Variants in NELL1 observed in about 807,000 individuals in gnomAD.
The protein encoded by NELL1 is protein kinase C-binding protein NELL1.
NELL1 carries 76 observed loss-of-function variants against 107.4 expected under a neutral mutation model. The ratio of observed to expected loss-of-function variants is 0.71; its 90% CI spans 0.59 to 0.86. The LOEUF is 0.86. Among genes scored for constraint, NELL1 ranks in the 40% least tolerant of loss-of-function variants. The pLI is 0.00. For missense variants in NELL1, 1,024 were observed against 1,005.5 expected, an observed-to-expected ratio of 1.02 and a Z score of -0.25; for synonymous variants, 353 against 341.2, an observed-to-expected ratio of 1.03 and a Z score of -0.38.
At chr11:20,937,088 T>G (rs1409474633) in intron 9 of NELL1, among the ~76,000 whole-genome samples, 1 of 152,224 alleles carries the variant, frequency 6.6e-6, no homozygotes. Flanking sequence ...CTGTACTTGC[T>G]TAAAAGTGAG....
At chr11:21,542,640 C>T (rs1159255259) in intron 16 of NELL1, among the ~76,000 whole-genome samples, 1 of 151,342 alleles carries the variant, frequency 6.6e-6, no homozygotes, top group Non-Finnish European at 1.5e-5. Context: ...GATGTCATTA[C>T]CTTCTTTGCA....
chr11:21,416,871 T>C (rs1249375865), intron 15 of NELL1, among the ~76,000 whole-genome samples: 1 of 152,128 alleles, frequency 6.6e-6, no homozygotes, highest in African/African-American at 2.4e-5. Flanking sequence ...GGAAAACAAT[T>C]GGGTAAATTG....
intron 12 of NELL1, among the ~76,000 whole-genome samples, chr11:20,974,186 G>A (rs1300891732): frequency 6.6e-6 from 1 of 152,154 alleles, no homozygotes; most frequent in Non-Finnish European, 1.5e-5. Flanking sequence ...GTAAGTATTC[G>A]TTGAATAAAT....
At chr11:21,363,386 C>G (rs900839745) in intron 14 of NELL1, among the ~76,000 whole-genome samples, 3 of 152,144 alleles carry the variant, frequency 2.0e-5, no homozygotes, top group Non-Finnish European at 4.4e-5. Context: ...TTCAGATTGC[C>G]AAGTGGAGAT....
intron 2 of NELL1, among the ~76,000 whole-genome samples, chr11:20,726,834 A>G (rs1194693476): frequency 6.7e-6 from 1 of 149,534 alleles, no homozygotes; most frequent in Non-Finnish European, 1.5e-5. Context: ...CCTATGAGTG[A>G]GAACATGCAG....
chr11:20,930,421 T>C (rs1027522943), intron 9 of NELL1, among the ~76,000 whole-genome samples: 2 of 152,358 alleles, frequency 1.3e-5, no homozygotes, highest in Non-Finnish European at 2.9e-5. Context: ...GTCATTTTCA[T>C]GAGCTTCATT....
At chr11:20,795,214 G>T (rs1285675066) in intron 3 of NELL1, among the ~76,000 whole-genome samples, 1 of 152,182 alleles carries the variant, frequency 6.6e-6, no homozygotes, top group African/African-American at 2.4e-5. Context: ...GCAGTATCTG[G>T]AAACTCCCTA....
At chr11:20,981,682 T>G (rs1265249144) in intron 12 of NELL1, among the ~76,000 whole-genome samples, 3 of 152,196 alleles carry the variant, frequency 2.0e-5, no homozygotes, top group Non-Finnish European at 4.4e-5. Context: ...TTTGTCACCT[T>G]CTGATTTCTC....
chr11:20,703,303 A>G (rs1854847625), intron 2 of NELL1, among the ~76,000 whole-genome samples: 1 of 152,136 alleles, frequency 6.6e-6, no homozygotes, highest in African/African-American at 2.4e-5. Flanking sequence ...TGTTTATAGT[A>G]TTCTCTGATG....
chr11:21,152,286 C>G (rs146600733), intron 13 of NELL1, among the ~76,000 whole-genome samples: 1 of 152,164 alleles, frequency 6.6e-6, no homozygotes, highest in African/African-American at 2.4e-5. Context: ...GATCCCAATT[C>G]TCTCCTCGCC....
At chr11:20,802,072 T>C (rs1390403403) in intron 3 of NELL1, among the ~76,000 whole-genome samples, 3 of 152,220 alleles carry the variant, frequency 2.0e-5, no homozygotes, top group African/African-American at 7.2e-5. Flanking sequence ...GGGTCTTTTG[T>C]AATTCCATAT....
chr11:21,257,874 A>C (rs1858809395), intron 14 of NELL1, among the ~76,000 whole-genome samples: 1 of 151,908 alleles, frequency 6.6e-6, no homozygotes, highest in Admixed American at 6.6e-5. Flanking sequence ...AGAGCATCCT[A>C]CCCTAAGTGA....
chr11:21,409,359 C>T (rs187428078), intron 15 of NELL1, among the ~76,000 whole-genome samples: 21 of 152,060 alleles, frequency 1.4e-4, no homozygotes, highest in Admixed American at 1.3e-3. Context: ...CATGTTCTCA[C>T]TCATAGGTGG....
intron 9 of NELL1, among the ~76,000 whole-genome samples, chr11:20,933,132 A>G (rs537014914): frequency 2.0e-4 from 30 of 152,336 alleles, no homozygotes; most frequent in African/African-American, 6.7e-4. Context: ...TAGAAAGGCT[A>G]CTGCATCAAG....
At chr11:21,354,778 A>G (rs1850892753) in intron 14 of NELL1, among the ~76,000 whole-genome samples, 1 of 152,220 alleles carries the variant, frequency 6.6e-6, no homozygotes, top group African/African-American at 2.4e-5. Context: ...TTCAAGATTT[A>G]ACATGTAATT....
intron 15 of NELL1, among the ~76,000 whole-genome samples, chr11:21,435,359 C>A (rs1193576193): frequency 6.6e-6 from 1 of 151,264 alleles, no homozygotes; most frequent in Non-Finnish European, 1.5e-5. Flanking sequence ...GTGCACATTC[C>A]TTCAGTAGCA....
chr11:21,397,349 T>G (rs1215217466), intron 15 of NELL1, among the ~76,000 whole-genome samples: 1 of 151,556 alleles, frequency 6.6e-6, no homozygotes, highest in East Asian at 2.0e-4. Flanking sequence ...TTTTGTCATT[T>G]AAAAAATTAA....
At chr11:20,869,494 T>A (rs1229309493) in intron 4 of NELL1, among the ~76,000 whole-genome samples, 1 of 152,186 alleles carries the variant, frequency 6.6e-6, no homozygotes, top group African/African-American at 2.4e-5. Context: ...GTTCATCCAT[T>A]TGATCAACAT....
At chr11:20,893,215 A>G (rs1849654511) in intron 5 of NELL1, among the ~76,000 whole-genome samples, 1 of 151,964 alleles carries the variant, frequency 6.6e-6, no homozygotes, top group Non-Finnish European at 1.5e-5. Flanking sequence ...CATTAAGAAC[A>G]CATGGATACA....
Sources: gnomAD v4.1 joint callset for allele counts (sites outside exome capture counted in the v4.1 genomes callset) on GRCh38, gnomAD v4.1.1 for gene constraint, MANE v1.5 for transcripts, NCBI Gene and HGNC (gene_info 2026-07-23, HGNC 2026-07-21) for gene names.